POLDIP3: variants seen among roughly 807,000 people sequenced by gnomAD.
The protein encoded by POLDIP3 is DNA polymerase delta interacting protein 3, also known as polymerase delta-interacting protein 3.
A neutral mutation model predicts 45.1 loss-of-function variants in POLDIP3; 14 were observed. The ratio of observed to expected loss-of-function variants is 0.31; its 90% CI spans 0.20 to 0.49. POLDIP3 has a LOEUF of 0.49. Among genes scored for constraint, POLDIP3 ranks in the 20% least tolerant of loss-of-function variants. The pLI, the probability that POLDIP3 is intolerant of heterozygous loss-of-function variation, is 0.99. For missense variants in POLDIP3, 511 were observed against 538.8 expected, an observed-to-expected ratio of 0.95 and a Z score of 0.51; for synonymous variants, 223 against 205.2, an observed-to-expected ratio of 1.09 and a Z score of -0.74.
In POLDIP3 at chr22:42,585,931, C is replaced by T. The variant is rs375166655; in HGVS notation, c.1126G>A (p.Glu376Lys). 13 of 1,613,292 alleles carry T rather than the reference C, an allele frequency of 8.1e-6. No homozygotes were observed. Among genetic ancestry groups the T allele is most frequent in the Admixed American group, 1.7e-5 (1 of 59,954 alleles). ...SDSPSMKKES[E>K]LPRRVNSASS... ...GCAGAGTTCACCCTGCGAGGCAGCT[C>T]GCTCTCCTTTTTCATTGATGGGCTG... Residue 376 changes from glutamate (E) to lysine (K), a missense_variant, in exon 9 of 9, where the codon GAG (glutamate) becomes AAG (lysine). Coordinates refer to ENST00000252115, the MANE Select transcript of POLDIP3 (RefSeq NM_032311.5).
chr22:42,606,722 C>T (rs1352839557), intron 1 of POLDIP3, among the ~76,000 whole-genome samples: 1 of 152,222 alleles, frequency 6.6e-6, no homozygotes, highest in Non-Finnish European at 1.5e-5. Context: ...CCTCCTGCCT[C>T]AGCCTTCTAA....
In POLDIP3 at chr22:42,599,720, G is replaced by A. The variant is rs1218616630; in HGVS notation, c.611C>T (p.Ser204Leu). The A allele has an allele frequency of 4.3e-6, 7 of 1,610,922 alleles. No individual in the cohort carries two copies. In the East Asian group the frequency reaches 1.3e-4, roughly 31 times the overall value. ...VPTKQMKFAA[S>L]GGFLHHMAGL... ...TACCATGTGGTGGAGAAAGCCGCCT[G>A]AGGCTGCAAACTTCATCTGTTTAGT... The change falls in exon 4 of 9, where the codon TCA (serine) becomes TTA (leucine). Residue 204 changes from serine to leucine, a missense_variant. Coordinates refer to ENST00000252115, the MANE Select transcript of POLDIP3 (RefSeq NM_032311.5).
intron 6 of POLDIP3, 136 bp from the exon 7 acceptor site, chr22:42,592,220 A>C: frequency 3.1e-6 from 4 of 1,306,888 alleles, no homozygotes; most frequent in Non-Finnish European, 4.3e-6. Context: ...GGGAGGCTCC[A>C]CGCGAGGTGG....
chr22:42,595,960 A>G (rs1337346076), intron 5 of POLDIP3, among the ~76,000 whole-genome samples: 1 of 152,160 alleles, frequency 6.6e-6, no homozygotes, highest in Non-Finnish European at 1.5e-5. Flanking sequence ...CTTTCTTCTG[A>G]GAGAGTCTAA....
chr22:42,612,464 A>G (rs192258975), intron 1 of POLDIP3, among the ~76,000 whole-genome samples: 227 of 152,326 alleles, frequency 1.5e-3, no homozygotes, highest in African/African-American at 4.9e-3. Context: ...GTGTGCTTCT[A>G]TGCCTTTAAG....
intron 5 of POLDIP3, among the ~76,000 whole-genome samples, 165 bp from the exon 6 acceptor site, chr22:42,595,779 T>C (rs1373007200): frequency 6.6e-6 from 1 of 152,016 alleles, no homozygotes; most frequent in African/African-American, 2.4e-5. Context: ...CCCCCATCAC[T>C]CTATGCTAAA....
intron 1 of POLDIP3, among the ~76,000 whole-genome samples, chr22:42,612,329 GA>G (rs1250145890): frequency 6.6e-6 from 1 of 152,184 alleles, no homozygotes. Context: ...TATACATAAG[GA>G]AAGAAAGGCA....
Position 42,584,915 on chromosome 22 carries a change from A to G in POLDIP3, c.*876T>C. 2.2e-6 allele frequency: 1 copy of G among 456,250 alleles called. No homozygotes were observed. Among genetic ancestry groups the G allele is most frequent in the South Asian group, 1.5e-5 (1 of 64,566 alleles). 28.3% of individuals were successfully genotyped at this position (456,250 alleles called of 1,614,324 possible). On this transcript the variant is annotated 3_prime_UTR_variant, in exon 9 of 9. Transcript: ENST00000252115. The stretch of plus-strand genomic sequence containing the variant: ...TAAGCTCCAAACCCAAGCACTGCAC[A>G]ATGGGAGGCTGAGCCTTTCAAAGGC...
chr22:42,610,879 C>G (rs1927079092), intron 1 of POLDIP3, among the ~76,000 whole-genome samples: 1 of 152,160 alleles, frequency 6.6e-6, no homozygotes, highest in Non-Finnish European at 1.5e-5. Context: ...GCACTCCAGC[C>G]TGGATGACAG....
intron 6 of POLDIP3, among the ~76,000 whole-genome samples, chr22:42,592,563 T>A (rs1284530401): frequency 6.6e-6 from 1 of 151,670 alleles, no homozygotes; most frequent in East Asian, 1.9e-4. Context: ...ACCAGGAGAG[T>A]CCCCAGCAAA....
chr22:42,605,439 A>G lies in POLDIP3; in HGVS notation c.60-2279T>C, dbSNP rs75533061. Among the ~76,000 whole-genome samples, 970 of 152,302 alleles carry G rather than the reference A, an allele frequency of 6.4e-3. 6 individuals carry two copies. Among genetic ancestry groups the G allele is most frequent in the African/African-American group, 0.023 (938 of 41,562 alleles). The stretch of plus-strand genomic sequence containing the variant: ...CTGCGCCCGGCAGTTTCTGTTTTTT[A>G]TAAGTTACCCAGCTTAGGGTATTTT... On this transcript the variant is annotated intron_variant, in intron 1 of 8. Coordinates refer to ENST00000252115, the MANE Select transcript of POLDIP3 (RefSeq NM_032311.5).
At chr22:42,603,210 C>T in intron 1 of POLDIP3, 50 bp from the exon 2 acceptor site, 1 of 1,579,732 alleles carries the variant, frequency 6.3e-7, no homozygotes, top group Non-Finnish European at 8.6e-7. Flanking sequence ...GTATCTACAG[C>T]AGTCTATGAA....
intron 1 of POLDIP3, among the ~76,000 whole-genome samples, chr22:42,604,642 T>C (rs759795968): frequency 6.6e-6 from 1 of 152,210 alleles, no homozygotes; most frequent in Non-Finnish European, 1.5e-5. Flanking sequence ...TGCATTCCAG[T>C]GGCTGGAGTG....
chr22:42,595,409 G>A, intron 6 of POLDIP3, 128 bp downstream of exon 6: 7 of 815,126 alleles, frequency 8.6e-6, no homozygotes, highest in Non-Finnish European at 1.4e-5. Flanking sequence ...ATTAGTCTCA[G>A]CCCTGAGCGT....
chr22:42,590,041 A>G (rs1925570150), intron 7 of POLDIP3, among the ~76,000 whole-genome samples: 1 of 152,164 alleles, frequency 6.6e-6, no homozygotes, highest in African/African-American at 2.4e-5. Flanking sequence ...ATTCATGAAT[A>G]TATGGAAATT....
At chr22:42,586,008 T>C (rs747115136) in intron 8 of POLDIP3, 40 bp from the exon 9 acceptor site, 1 of 1,536,154 alleles carries the variant, frequency 6.5e-7, no homozygotes, top group Non-Finnish European at 8.8e-7. Context: ...CTTGTCAGTT[T>C]TTCCTTAGAT....
At chr22:42,587,256 C>T (rs1290134223) in intron 8 of POLDIP3, among the ~76,000 whole-genome samples, 1 of 152,226 alleles carries the variant, frequency 6.6e-6, no homozygotes. Flanking sequence ...CCAACTTCCA[C>T]TCAGATATTT....
At chr22:42,599,881 G>C (rs1926243415) in intron 3 of POLDIP3, 88 bp from the exon 4 acceptor site, 3 of 971,006 alleles carry the variant, frequency 3.1e-6, no homozygotes, top group Non-Finnish European at 4.7e-6. Context: ...GGAAATGGCT[G>C]CTGGAGAAAC....
chr22:42,608,389 C>T (rs553594767), intron 1 of POLDIP3, among the ~76,000 whole-genome samples: 1 of 151,750 alleles, frequency 6.6e-6, no homozygotes, highest in Admixed American at 6.6e-5. Context: ...CACCACTGGA[C>T]TCCAGCCTGG....
Sources: allele counts gnomAD v4.1 joint callset (sites outside exome capture counted in the v4.1 genomes callset), GRCh38; gene constraint gnomAD v4.1.1; transcripts MANE v1.5; gene names NCBI Gene and HGNC (gene_info 2026-07-23, HGNC 2026-07-21).